The following CAMK2D variants were observed in gnomAD, a reference collection of about 807,000 sequenced individuals.
CAMK2D encodes the protein calcium/calmodulin-dependent protein kinase type II subunit delta.
In CAMK2D, 37 loss-of-function variants were observed where a neutral mutation model predicts 84.0. The observed-to-expected ratio is 0.44, with a 90% confidence interval of 0.34 to 0.58. The LOEUF is 0.58. Among genes scored for constraint, CAMK2D ranks in the 20% least tolerant of loss-of-function variants. The probability of loss-of-function intolerance (pLI) is 0.02; values close to 1 mark genes in which losing one functional copy is unlikely to be tolerated. For synonymous variants in CAMK2D, 202 were observed against 212.5 expected (o/e 0.95, Z 0.43); for missense variants, 448 against 652.5 (o/e 0.69, Z 3.41).
At chr4:113,509,576 C>A in intron 13 of CAMK2D, 62 bp downstream of exon 13, 1 of 1,036,430 alleles carries the variant, frequency 9.6e-7, no homozygotes, top group Non-Finnish European at 1.5e-6. Context: ...TTATATATAA[C>A]ATTTAAAGAT....
chr4:113,528,422 C>T (rs1393399431), intron 8 of CAMK2D, among the ~76,000 whole-genome samples: 1 of 151,988 alleles, frequency 6.6e-6, no homozygotes, highest in Non-Finnish European at 1.5e-5. Context: ...TACATACTGC[C>T]TCTTACCTAT....
At chr4:113,716,649 C>CAAAAAA (rs397750449) in intron 2 of CAMK2D, among the ~76,000 whole-genome samples, 16 of 76,098 alleles carry the variant, frequency 2.1e-4, no homozygotes, top group South Asian at 6.6e-4. Flanking sequence ...AGACTCCATC[C>CAAAAAA]AAAAAAAAAA....
At chr4:113,484,497 C>G (rs1478018585) in intron 16 of CAMK2D, among the ~76,000 whole-genome samples, 1 of 151,928 alleles carries the variant, frequency 6.6e-6, no homozygotes, top group Non-Finnish European at 1.5e-5. Context: ...TATTGTATTT[C>G]TTGATTTTAC....
intron 12 of CAMK2D, among the ~76,000 whole-genome samples, 193 bp from the exon 13 acceptor site, chr4:113,509,868 G>A (rs2154160703): frequency 6.6e-6 from 1 of 152,268 alleles, no homozygotes; most frequent in Middle Eastern, 3.4e-3. Context: ...TTCTTGGTTT[G>A]CCACAGCAAA....
intron 5 of CAMK2D, among the ~76,000 whole-genome samples, chr4:113,548,159 C>T (rs776780316): frequency 2.6e-5 from 4 of 152,140 alleles, no homozygotes; most frequent in Non-Finnish European, 5.9e-5. Context: ...AATTAAGATA[C>T]CTAATGAATT....
intron 3 of CAMK2D, among the ~76,000 whole-genome samples, chr4:113,655,608 C>CACATTTTGTGT (rs2099196285): frequency 6.6e-6 from 1 of 152,054 alleles, no homozygotes; most frequent in African/African-American, 2.4e-5. Flanking sequence ...TTTCTAAAGT[C>CACATTTTGTGT]TACACAAAAT....
chr4:113,587,016 T>C (rs548074648), intron 4 of CAMK2D, among the ~76,000 whole-genome samples: 11 of 152,322 alleles, frequency 7.2e-5, no homozygotes, highest in African/African-American at 2.2e-4. Flanking sequence ...TACCCCATCA[T>C]CTAAGTTCTG....
At chr4:113,631,765 A>G (rs1399077737) in intron 3 of CAMK2D, among the ~76,000 whole-genome samples, 2 of 152,210 alleles carry the variant, frequency 1.3e-5, no homozygotes, top group African/African-American at 2.4e-5. Flanking sequence ...ACCTGCTTGC[A>G]ATTAGCAACA....
At position 113,452,567 on chromosome 4, in the gene CAMK2D, C is replaced by A. The variant is rs575548410; in HGVS notation, c.*1978G>T. On this transcript the variant is annotated 3_prime_UTR_variant, in exon 21 of 21. Coordinates refer to ENST00000511664, the MANE Select transcript of CAMK2D (RefSeq NM_001321571.2). ...TGTAATTCATTTGTGGTGGAGAGAA[C>A]AAATCACAATTTCCTCACATCTTAG... 1 of 152,488 alleles carries A rather than the reference C, an allele frequency of 6.6e-6. No individual in the cohort carries two copies. The highest frequency in any genetic ancestry group is 1.5e-5 in the Non-Finnish European group (1 of 68,004). The allele number at this position is 152,488 out of a possible 1,614,324, so 9.4% of individuals were successfully genotyped here. A position where few individuals can be genotyped will look rare whatever the true frequency, so the allele number is the denominator to read the frequency against.
At chr4:113,630,663 T>C (rs1416653522) in intron 3 of CAMK2D, among the ~76,000 whole-genome samples, 2 of 152,166 alleles carry the variant, frequency 1.3e-5, no homozygotes, top group Non-Finnish European at 2.9e-5. Flanking sequence ...AAATTAAATA[T>C]ACTGCTGACT....
At chr4:113,503,755 T>C (rs1490975231) in intron 14 of CAMK2D, among the ~76,000 whole-genome samples, 3 of 152,188 alleles carry the variant, frequency 2.0e-5, no homozygotes, top group Non-Finnish European at 4.4e-5. Context: ...TTTTCTATTG[T>C]TTTCTATCAG....
In CAMK2D at chr4:113,656,984, C is replaced by A. The variant is rs74901943; in HGVS notation, c.220+4729G>T. The stretch of plus-strand genomic sequence containing the variant: ...ATCTCATCAAGGTCTTCATCCTCTA[C>A]CCTTAATGTCTAAGTCCTTGGCCTG... On this transcript the variant is annotated intron_variant, in intron 3 of 20. Coordinates refer to ENST00000511664, the MANE Select transcript of CAMK2D (RefSeq NM_001321571.2). Among the ~76,000 whole-genome samples the A allele has an allele frequency of 5.5e-3, 842 of 152,216 alleles. 40 individuals carry two copies. In the East Asian group the frequency reaches 0.11, roughly 20 times the overall value.
chr4:113,611,708 A>G (rs1300661488), intron 3 of CAMK2D, among the ~76,000 whole-genome samples: 1 of 152,136 alleles, frequency 6.6e-6, no homozygotes, highest in African/African-American at 2.4e-5. Flanking sequence ...TCAGAAATCA[A>G]TTATTTTTTG....
chr4:113,615,242 C>G (rs909844296), intron 3 of CAMK2D, among the ~76,000 whole-genome samples: 1 of 152,026 alleles, frequency 6.6e-6, no homozygotes. Context: ...GGGAAGCCAA[C>G]ATTAAGTTCA....
chr4:113,760,973 G>A (rs111299023), intron 1 of CAMK2D, 31 bp downstream of exon 1: 6 of 1,614,000 alleles, frequency 3.7e-6, no homozygotes, highest in African/African-American at 2.7e-5. Flanking sequence ...GCTGGAAAGG[G>A]GATATGCGGA....
At chr4:113,606,603 A>G (rs1042480892) in intron 4 of CAMK2D, among the ~76,000 whole-genome samples, 2 of 152,120 alleles carry the variant, frequency 1.3e-5, no homozygotes, top group Non-Finnish European at 1.5e-5. Flanking sequence ...CTACGGGAAA[A>G]CTACAACAAA....
chr4:113,696,473 A>G (rs1261572457), intron 2 of CAMK2D, among the ~76,000 whole-genome samples: 2 of 152,086 alleles, frequency 1.3e-5, no homozygotes, highest in Non-Finnish European at 2.9e-5. Flanking sequence ...GATGAATTAA[A>G]GTCTCTACAT....
chr4:113,688,697 G>C lies in CAMK2D; in HGVS notation c.161-26925C>G, dbSNP rs189600557. ...TCCTTCATCCCTGCATTCAGTCACA[G>C]AATTGCCAACTTCCGGACCCTATAT... On this transcript the variant is annotated intron_variant, in intron 2 of 20. Transcript: ENST00000511664. 4.4e-3 allele frequency among the ~76,000 whole-genome samples: 666 copies of C among 152,098 alleles called. 12 individuals are homozygous for C. The highest frequency in any genetic ancestry group is 4.9e-3 in the Non-Finnish European group (332 of 67,994).
chr4:113,599,987 C>A (rs56966168), intron 4 of CAMK2D, among the ~76,000 whole-genome samples: 1 of 152,188 alleles, frequency 6.6e-6, no homozygotes, highest in African/African-American at 2.4e-5. Flanking sequence ...GCAGTTCAAA[C>A]CCATGTTGTC....
Sources: allele counts gnomAD v4.1 joint callset (sites outside exome capture counted in the v4.1 genomes callset), GRCh38; gene constraint gnomAD v4.1.1; transcripts MANE v1.5; gene names NCBI Gene and HGNC (gene_info 2026-07-23, HGNC 2026-07-21).